The following BLOC1S5 variants were observed in gnomAD, a reference collection of about 807,000 sequenced individuals.
BLOC1S5 encodes the protein biogenesis of lysosomal organelles complex 1 subunit 5.
Under a neutral mutation model 24.3 loss-of-function variants are expected in BLOC1S5, and 27 were observed. That is an observed-to-expected ratio of 1.11 (90% CI 0.82 to 1.53). The LOEUF (loss-of-function observed/expected upper bound fraction) is 1.53. Among genes scored for constraint, BLOC1S5 ranks in the 40% most tolerant of loss-of-function variants. The pLI is 0.00. For synonymous variants in BLOC1S5, 84 were observed against 74.5 expected (o/e 1.13, Z -0.66); for missense variants, 239 against 229.4 (o/e 1.04, Z -0.27).
chr6:8,020,276 C>T (rs761793991), intron 4 of BLOC1S5, among the ~76,000 whole-genome samples: 3 of 152,212 alleles, frequency 2.0e-5, no homozygotes, highest in Admixed American at 6.5e-5. Context: ...CTGCTGACCT[C>T]GTCTGAGAGG....
intron 3 of BLOC1S5, among the ~76,000 whole-genome samples, chr6:8,033,302 A>G (rs1763368768): frequency 6.6e-6 from 1 of 152,238 alleles, no homozygotes; most frequent in South Asian, 2.1e-4. Context: ...GGAACAGGAC[A>G]GACGCCTCAG....
At chr6:8,035,054 G>A (rs1763439944) in intron 3 of BLOC1S5, among the ~76,000 whole-genome samples, 1 of 152,014 alleles carries the variant, frequency 6.6e-6, no homozygotes, top group Admixed American at 6.6e-5. Context: ...AACCTGGATG[G>A]AATTACAGAC....
intron 2 of BLOC1S5, among the ~76,000 whole-genome samples, chr6:8,044,886 T>C (rs539284989): frequency 2.6e-5 from 4 of 152,216 alleles, no homozygotes; most frequent in South Asian, 4.2e-4. Context: ...AAGCGGAGCA[T>C]AAAAGTTTGG....
intron 3 of BLOC1S5, among the ~76,000 whole-genome samples, chr6:8,029,106 T>C (rs939197113): frequency 2.0e-5 from 3 of 151,718 alleles, no homozygotes; most frequent in Non-Finnish European, 4.4e-5. Context: ...TATCATGGTG[T>C]CTATAAGTAA....
chr6:8,054,897 A>G (rs941451282), intron 2 of BLOC1S5, among the ~76,000 whole-genome samples: 1 of 151,820 alleles, frequency 6.6e-6, no homozygotes, highest in Non-Finnish European at 1.5e-5. Flanking sequence ...ACATATTTCA[A>G]TTTTTCATTC....
chr6:8,035,553 A>G (rs1229305502), intron 3 of BLOC1S5, among the ~76,000 whole-genome samples: 4 of 152,168 alleles, frequency 2.6e-5, no homozygotes, highest in African/African-American at 9.7e-5. Flanking sequence ...AAGATATTCC[A>G]TGCAACTGGA....
At chr6:8,042,330 A>G (rs12213108) in intron 2 of BLOC1S5, among the ~76,000 whole-genome samples, 23,737 of 152,216 alleles carry the variant, frequency 0.16, 1,932 homozygotes, top group Admixed American at 0.19. Context: ...AATGGGTAGT[A>G]AAAGTAATAT....
intron 2 of BLOC1S5, among the ~76,000 whole-genome samples, chr6:8,047,195 C>T (rs1037173710): frequency 3.8e-5 from 4 of 103,990 alleles, no homozygotes; most frequent in Non-Finnish European, 8.6e-5. Flanking sequence ...CACACACACA[C>T]ACACAGTCAA....
intron 2 of BLOC1S5, among the ~76,000 whole-genome samples, chr6:8,050,080 T>C (rs1764054530): frequency 6.6e-6 from 1 of 152,228 alleles, no homozygotes; most frequent in South Asian, 2.1e-4. Flanking sequence ...CTATGTTTTT[T>C]ACAAATTGAA....
chr6:8,055,697 G>A (rs752168176), intron 2 of BLOC1S5, among the ~76,000 whole-genome samples: 3 of 152,078 alleles, frequency 2.0e-5, no homozygotes, highest in Non-Finnish European at 4.4e-5. Context: ...TTTCTACAGT[G>A]TAAAACATTA....
intron 2 of BLOC1S5, among the ~76,000 whole-genome samples, chr6:8,061,199 CTG>C (rs2113611479): frequency 6.6e-6 from 1 of 152,138 alleles, no homozygotes; most frequent in South Asian, 2.1e-4. Context: ...GGATAATTTT[CTG>C]TGTCTCCCAC....
rs546069899 is a variant in BLOC1S5 at position 8,021,548 on chromosome 6, G to A, written c.384+4819C>T. On this transcript the variant is annotated intron_variant, in intron 4 of 4. Transcript: ENST00000397457. ...TGGGAGGCAGAGGTTGCAGTGAGCC[G>A]AGATCGCACCACTGCACTCCACCCT... Among the ~76,000 whole-genome samples, 300 of 152,126 alleles carry A rather than the reference G, an allele frequency of 2.0e-3. 1 individual carries two copies. The highest frequency in any genetic ancestry group is 6.8e-3 in the African/African-American group (284 of 41,472).
chr6:8,046,913 G>C (rs995772664), intron 2 of BLOC1S5, among the ~76,000 whole-genome samples: 1 of 150,254 alleles, frequency 6.7e-6, no homozygotes, highest in Non-Finnish European at 1.5e-5. Flanking sequence ...TAGCTGGGAG[G>C]ACAGGTGCAC....
chr6:8,062,692 T>C, intron 1 of BLOC1S5, 76 bp from the exon 2 acceptor site: 1 of 958,014 alleles, frequency 1.0e-6, no homozygotes, highest in Non-Finnish European at 1.6e-6. Context: ...CTCTCTCCCT[T>C]CCCCACTAAG....
intron 2 of BLOC1S5, among the ~76,000 whole-genome samples, chr6:8,044,523 A>G (rs1291727606): frequency 6.6e-6 from 1 of 152,164 alleles, no homozygotes; most frequent in Non-Finnish European, 1.5e-5. Context: ...TAACAGGCAA[A>G]GGTTGGAACA....
intron 3 of BLOC1S5, among the ~76,000 whole-genome samples, 177 bp from the exon 4 acceptor site, chr6:8,026,602 C>T (rs754654820): frequency 2.0e-5 from 3 of 152,062 alleles, no homozygotes; most frequent in Non-Finnish European, 4.4e-5. Context: ...TAAGTTTTGC[C>T]AATATATTCA....
At chr6:8,044,322 C>T (rs906989285) in intron 2 of BLOC1S5, among the ~76,000 whole-genome samples, 14 of 151,086 alleles carry the variant, frequency 9.3e-5, no homozygotes, top group African/African-American at 2.4e-4. Context: ...GTGTCTTTCG[C>T]CTCCCACCAT....
At chr6:8,050,587 G>A (rs1406527317) in intron 2 of BLOC1S5, among the ~76,000 whole-genome samples, 1 of 143,528 alleles carries the variant, frequency 7.0e-6, no homozygotes, top group African/African-American at 2.5e-5. Flanking sequence ...GCCAAGATGA[G>A]AATGGAAAAG....
At chr6:8,029,016 A>G (rs955553749) in intron 3 of BLOC1S5, among the ~76,000 whole-genome samples, 1 of 152,242 alleles carries the variant, frequency 6.6e-6, no homozygotes, top group Non-Finnish European at 1.5e-5. Flanking sequence ...TAACCAAAAG[A>G]TTATTCAAGT....
Sources: allele counts gnomAD v4.1 joint callset (sites outside exome capture counted in the v4.1 genomes callset), GRCh38; gene constraint gnomAD v4.1.1; transcripts MANE v1.5; gene names NCBI Gene and HGNC (gene_info 2026-07-23, HGNC 2026-07-21).